Variants in FSTL5 observed in about 807,000 individuals in gnomAD.
FSTL5 encodes follistatin-related protein 5.
A neutral mutation model predicts 89.1 loss-of-function variants in FSTL5; 62 were observed. That is an observed-to-expected ratio of 0.70 (90% CI 0.57 to 0.86). The LOEUF is 0.86. Ranked by LOEUF, FSTL5 falls within the 40% of genes least tolerant of loss-of-function variation. The pLI is 0.00. For synonymous variants in FSTL5, 383 were observed against 346.2 expected, an observed-to-expected ratio of 1.11 and a Z score of -1.18; for missense variants, 1,057 against 1,001.6, an observed-to-expected ratio of 1.06 and a Z score of -0.75.
chr4:161,852,645 T>C (rs1434391685), intron 4 of FSTL5, among the ~76,000 whole-genome samples: 1 of 152,186 alleles, frequency 6.6e-6, no homozygotes, highest in Non-Finnish European at 1.5e-5. Flanking sequence ...CATTCTATTA[T>C]AAAGATATGT....
At chr4:161,679,786 C>T (rs1280534015) in intron 6 of FSTL5, among the ~76,000 whole-genome samples, 1 of 151,714 alleles carries the variant, frequency 6.6e-6, no homozygotes, top group East Asian at 1.9e-4. Flanking sequence ...TGATCACATA[C>T]TATGTGCTAG....
chr4:161,403,723 C>T (rs1316878862), intron 15 of FSTL5, among the ~76,000 whole-genome samples: 1 of 152,106 alleles, frequency 6.6e-6, no homozygotes, highest in African/African-American at 2.4e-5. Flanking sequence ...AAAGCAAAAG[C>T]ACATCACTAC....
intron 5 of FSTL5, among the ~76,000 whole-genome samples, chr4:161,766,910 T>C (rs28521835): frequency 4.6e-4 from 49 of 106,806 alleles, no homozygotes; most frequent in African/African-American, 2.2e-3. Flanking sequence ...ATAGATCGAT[T>C]GATAGATAGA....
chr4:161,816,557 C>T (rs1730332009), intron 4 of FSTL5, among the ~76,000 whole-genome samples: 1 of 152,178 alleles, frequency 6.6e-6, no homozygotes, highest in Admixed American at 6.5e-5. Flanking sequence ...TGGTATCATT[C>T]GCCTTACTTG....
At chr4:161,844,776 A>G (rs1427917994) in intron 4 of FSTL5, among the ~76,000 whole-genome samples, 1 of 151,940 alleles carries the variant, frequency 6.6e-6, no homozygotes, top group African/African-American at 2.4e-5. Flanking sequence ...AACATCACAC[A>G]CTGGGGCCTG....
intron 3 of FSTL5, among the ~76,000 whole-genome samples, chr4:162,000,045 A>G (rs1304054059): frequency 6.6e-6 from 1 of 152,086 alleles, no homozygotes; most frequent in Non-Finnish European, 1.5e-5. Flanking sequence ...GATATATTGG[A>G]TTTGAGGTTA....
intron 8 of FSTL5, among the ~76,000 whole-genome samples, chr4:161,573,733 C>CAAAAAAAAAAAAAAAAAAAAAAAAA (rs70937664): frequency 4.0e-5 from 2 of 50,624 alleles, no homozygotes; most frequent in African/African-American, 8.4e-5. Flanking sequence ...AACTCCAGCT[C>CAAAAAAAAAAAAAAAAAAAAAAAAA]AAAAAAAAAA....
intron 14 of FSTL5, 134 bp from the exon 15 acceptor site, chr4:161,455,262 A>G (rs1733314047): frequency 1.9e-6 from 1 of 534,930 alleles, no homozygotes; most frequent in Non-Finnish European, 3.0e-6. Context: ...CAAAATCAAT[A>G]TATTATTACA....
intron 3 of FSTL5, among the ~76,000 whole-genome samples, chr4:161,944,130 T>C (rs1433240550): frequency 6.6e-6 from 1 of 152,156 alleles, no homozygotes; most frequent in East Asian, 1.9e-4. Context: ...CTCTGCTGAG[T>C]TATCTAGCTT....
At chr4:161,587,293 T>G (rs921400190) in intron 8 of FSTL5, among the ~76,000 whole-genome samples, 162 bp downstream of exon 8, 3 of 151,738 alleles carry the variant, frequency 2.0e-5, no homozygotes, top group African/African-American at 7.3e-5. Flanking sequence ...TTGGAAATTT[T>G]GTGTTTTTTT....
chr4:161,689,889 G>T (rs1737871033), intron 6 of FSTL5, among the ~76,000 whole-genome samples: 1 of 152,032 alleles, frequency 6.6e-6, no homozygotes, highest in Admixed American at 6.6e-5. Flanking sequence ...CCATATAAAA[G>T]AAATCATCCA....
At chr4:161,611,310 G>C (rs1428022475) in intron 7 of FSTL5, among the ~76,000 whole-genome samples, 1 of 143,970 alleles carries the variant, frequency 6.9e-6, no homozygotes, top group African/African-American at 2.6e-5. Flanking sequence ...ATTACGTAAA[G>C]GACTGTTTTT....
rs74281503 is a variant in FSTL5, at chr4:161,752,226, C to CAGATAGATAGAT, written c.727+7173_727+7184dup. On this transcript the variant is annotated intron_variant, in intron 6 of 15. Transcript: ENST00000306100. ...TAAATATAGACAGATGATAGATGGA[C>CAGATAGATAGAT]AGATAGATAGATAGATAGATAGATA... Among the ~76,000 whole-genome samples the CAGATAGATAGAT allele has an allele frequency of 9.9e-3, 1,372 of 139,050 alleles. 6 individuals carry two copies. Among genetic ancestry groups the CAGATAGATAGAT allele is most frequent in the Middle Eastern group, 0.019 (5 of 264 alleles). 91.2% of individuals were successfully genotyped at this position (139,050 alleles called of 152,430 possible).
At chr4:161,962,848 G>A (rs560217446) in intron 3 of FSTL5, among the ~76,000 whole-genome samples, 1 of 152,012 alleles carries the variant, frequency 6.6e-6, no homozygotes, top group African/African-American at 2.4e-5. Context: ...GACACTGTAA[G>A]GACTAATTTA....
chr4:162,068,055 C>T (rs1413982569), intron 2 of FSTL5, among the ~76,000 whole-genome samples: 3 of 151,900 alleles, frequency 2.0e-5, no homozygotes, highest in Non-Finnish European at 4.4e-5. Flanking sequence ...TAAAAAATGA[C>T]ACAAACAAAT....
At chr4:161,690,091 C>T (rs1361063924) in intron 6 of FSTL5, among the ~76,000 whole-genome samples, 1 of 152,038 alleles carries the variant, frequency 6.6e-6, no homozygotes, top group African/African-American at 2.4e-5. Context: ...CTGGAACATA[C>T]ATAAACAAGT....
intron 1 of FSTL5, among the ~76,000 whole-genome samples, chr4:162,146,983 T>C (rs946943711): frequency 2.0e-5 from 3 of 151,982 alleles, no homozygotes; most frequent in Non-Finnish European, 2.9e-5. Context: ...GGTTTCACCA[T>C]GTTGGCCAGG....
intron 4 of FSTL5, among the ~76,000 whole-genome samples, chr4:161,914,329 T>G (rs558581025): frequency 6.6e-6 from 1 of 152,240 alleles, no homozygotes; most frequent in East Asian, 1.9e-4. Flanking sequence ...AAAAACAAGA[T>G]AAAATTGTCT....
intron 15 of FSTL5, among the ~76,000 whole-genome samples, chr4:161,400,220 G>C (rs1731138925): frequency 6.6e-6 from 1 of 151,916 alleles, no homozygotes; most frequent in Admixed American, 6.6e-5. Flanking sequence ...ACTGCATTTT[G>C]TCTTGTTTGG....
Sources: allele counts gnomAD v4.1 joint callset (sites outside exome capture counted in the v4.1 genomes callset), GRCh38; gene constraint gnomAD v4.1.1; transcripts MANE v1.5; gene names NCBI Gene and HGNC (gene_info 2026-07-23, HGNC 2026-07-21).